Variants in OSBPL10 observed in about 807,000 individuals in gnomAD.
OSBPL10 encodes the protein oxysterol binding protein like 10, also known as oxysterol-binding protein-related protein 10.
Under a neutral mutation model 81.7 loss-of-function variants are expected in OSBPL10, and 49 were observed. The observed-to-expected ratio is 0.60, with a 90% CI of 0.48 to 0.76. The LOEUF is 0.76. OSBPL10 is among the 30% of genes least tolerant of loss of function. OSBPL10 has a pLI of 0.00. For synonymous variants in OSBPL10, 419 were observed against 383.6 expected, an observed-to-expected ratio of 1.09 and a Z score of -1.08; for missense variants, 923 against 987.8, an observed-to-expected ratio of 0.93 and a Z score of 0.88.
At chr3:31,687,926 T>TAATAATAATAATAATAATAA in intron 7 of OSBPL10, among the ~76,000 whole-genome samples, 1 of 140,808 alleles carries the variant, frequency 7.1e-6, no homozygotes, top group Admixed American at 7.2e-5. Context: ...ATAATAATAA[T>TAATAATAATAATAATAATAA]TTTTTTAAAA....
At chr3:31,966,232 G>C (rs1357391474) in intron 1 of OSBPL10, among the ~76,000 whole-genome samples, 1 of 148,918 alleles carries the variant, frequency 6.7e-6, no homozygotes, top group Non-Finnish European at 1.5e-5. Context: ...CGAAAATAAA[G>C]TCTCAAGATA....
chr3:31,862,539 G>T (rs1701082637), intron 3 of OSBPL10, among the ~76,000 whole-genome samples: 1 of 151,884 alleles, frequency 6.6e-6, no homozygotes, highest in Non-Finnish European at 1.5e-5. Context: ...TGCAAATTAT[G>T]TATCTGATAA....
intron 7 of OSBPL10, among the ~76,000 whole-genome samples, chr3:31,686,398 G>A (rs1367927906): frequency 2.0e-5 from 3 of 152,126 alleles, no homozygotes; most frequent in African/African-American, 7.2e-5. Context: ...CTCCTTTAAT[G>A]CTTTTCTATC....
chr3:31,985,864 C>G (rs571643554), upstream of OSBPL10, among the ~76,000 whole-genome samples: 3 of 152,304 alleles, frequency 2.0e-5, no homozygotes, highest in South Asian at 6.2e-4. Flanking sequence ...TCACAACAAC[C>G]ACATGAGGAG....
intron 3 of OSBPL10, among the ~76,000 whole-genome samples, chr3:31,867,865 C>A (rs181486952): frequency 7.9e-5 from 12 of 152,202 alleles, no homozygotes; most frequent in Non-Finnish European, 1.5e-4. Flanking sequence ...AGATAAAACA[C>A]AAGAGAGATC....
intron 1 of OSBPL10, among the ~76,000 whole-genome samples, chr3:31,961,507 C>G (rs1035029245): frequency 5.3e-5 from 8 of 152,118 alleles, no homozygotes; most frequent in Non-Finnish European, 1.0e-4. Context: ...TAAAACTGCT[C>G]TATTTAGAGA....
intron 2 of OSBPL10, chr3:31,990,866 G>A: frequency 1.3e-6 from 2 of 1,577,792 alleles, no homozygotes; most frequent in Non-Finnish European, 1.7e-6. Context: ...CATCACAAGT[G>A]TGATGATTGT....
chr3:31,955,302 G>A (rs1250006123), intron 1 of OSBPL10, among the ~76,000 whole-genome samples: 2 of 152,196 alleles, frequency 1.3e-5, no homozygotes, highest in African/African-American at 4.8e-5. Flanking sequence ...TGCAAGGTAG[G>A]CATATCATCA....
intron 1 of OSBPL10, among the ~76,000 whole-genome samples, chr3:32,072,547 T>C (rs931544313): frequency 6.6e-6 from 1 of 152,200 alleles, no homozygotes; most frequent in East Asian, 1.9e-4. Flanking sequence ...CTCTTCCATG[T>C]AGGTTACAAG....
In OSBPL10 at chr3:31,661,917, G is replaced by T; in HGVS notation, c.*155C>A. On this transcript the variant is annotated 3_prime_UTR_variant, in exon 12 of 12. Coordinates refer to ENST00000396556, the MANE Select transcript of OSBPL10 (RefSeq NM_017784.5). ...TTCATTCCTCTAGCAGAGTGTGGGG[G>T]TGCACTTTTCATAGTATATAATTTC... The T allele has an allele frequency of 9.1e-7, 1 of 1,101,686 alleles. No individual in the cohort carries two copies. The highest frequency in any genetic ancestry group is 1.3e-6 in the Non-Finnish European group (1 of 776,550). 68.2% of individuals were successfully genotyped at this position (1,101,686 alleles called of 1,614,324 possible). A position where few individuals can be genotyped will look rare whatever the true frequency, so the allele number is the denominator to read the frequency against.
chr3:32,069,010 T>C (rs891856355), intron 1 of OSBPL10, among the ~76,000 whole-genome samples: 2 of 152,006 alleles, frequency 1.3e-5, no homozygotes, highest in Non-Finnish European at 2.9e-5. Context: ...TGGTTTACAG[T>C]TTCATTCTGC....
At chr3:31,674,591 A>ATAGC (rs1553612412) in intron 8 of OSBPL10, among the ~76,000 whole-genome samples, 1 of 51,332 alleles carries the variant, frequency 1.9e-5, no homozygotes, top group Non-Finnish European at 3.3e-5. Context: ...GATTAGATAG[A>ATAGC]TAGATAGATA....
chr3:31,900,942 T>C (rs1454958081), intron 1 of OSBPL10, among the ~76,000 whole-genome samples: 2 of 152,230 alleles, frequency 1.3e-5, no homozygotes, highest in Non-Finnish European at 2.9e-5. Flanking sequence ...TTTATTAAAG[T>C]GTTAATGAAA....
intron 4 of OSBPL10, among the ~76,000 whole-genome samples, chr3:31,802,447 T>C (rs1699406883): frequency 6.8e-6 from 1 of 146,240 alleles, no homozygotes; most frequent in African/African-American, 2.6e-5. Context: ...GCACCTGTAA[T>C]CCCAGGAACT....
chr3:31,694,173 C>G lies in OSBPL10; in HGVS notation c.1245+8186G>C, dbSNP rs936533953. On this transcript the variant is annotated intron_variant, in intron 7 of 11. Transcript: ENST00000396556. ...ATCACCTGAGGTCAGGAGTTCAAGA[C>G]CAGCCTGGCCAACATGGTGAAACCT... Among the ~76,000 whole-genome samples, 4 of 152,092 alleles carry G rather than the reference C, an allele frequency of 2.6e-5. 1 individual carries two copies. In the South Asian group the frequency reaches 8.3e-4, roughly 32 times the overall value.
At chr3:31,887,283 GAA>G (rs1431590769) in intron 1 of OSBPL10, among the ~76,000 whole-genome samples, 1 of 152,138 alleles carries the variant, frequency 6.6e-6, no homozygotes, top group African/African-American at 2.4e-5. Context: ...AAAAACTCAG[GAA>G]AAGTCAGCAA....
intron 5 of OSBPL10, among the ~76,000 whole-genome samples, chr3:31,734,361 T>C (rs1157681814): frequency 6.6e-6 from 1 of 152,166 alleles, no homozygotes; most frequent in Non-Finnish European, 1.5e-5. Context: ...TATATTATTG[T>C]AGAACATTTT....
At chr3:31,756,771 A>G (rs1287404046) in intron 4 of OSBPL10, among the ~76,000 whole-genome samples, 1 of 152,222 alleles carries the variant, frequency 6.6e-6, no homozygotes, top group Non-Finnish European at 1.5e-5. Flanking sequence ...GTGTATTTAC[A>G]TTTGAAATTT....
chr3:32,014,105 A>G (rs562970735), intron 2 of OSBPL10, among the ~76,000 whole-genome samples: 2 of 152,362 alleles, frequency 1.3e-5, no homozygotes, highest in Admixed American at 6.5e-5. Flanking sequence ...TGAGGCCAGC[A>G]TCATCCTGAT....
Sources: allele counts gnomAD v4.1 joint callset (sites outside exome capture counted in the v4.1 genomes callset), GRCh38; gene constraint gnomAD v4.1.1; transcripts MANE v1.5; gene names NCBI Gene and HGNC (gene_info 2026-07-23, HGNC 2026-07-21).